The following ARHGAP15 variants were observed in gnomAD, a reference collection of about 807,000 sequenced individuals.
The protein encoded by ARHGAP15 is Rho GTPase activating protein 15.
A neutral mutation model predicts 63.7 loss-of-function variants in ARHGAP15; 51 were observed. The ratio of observed to expected loss-of-function variants is 0.80; its 90% CI spans 0.64 to 1.01. The LOEUF (loss-of-function observed/expected upper bound fraction) is 1.01. Among genes scored for constraint, ARHGAP15 ranks in the 50% least tolerant of loss-of-function variants. ARHGAP15 has a pLI of 0.00. For missense variants in ARHGAP15, 560 were observed against 564.6 expected (o/e 0.99, Z 0.08); for synonymous variants, 191 against 193.8 (o/e 0.99, Z 0.12).
chr2:143,672,527 T>C (rs1682578598), intron 12 of ARHGAP15, among the ~76,000 whole-genome samples: 1 of 152,200 alleles, frequency 6.6e-6, no homozygotes, highest in African/African-American at 2.4e-5. Flanking sequence ...TGATAAATTT[T>C]GATTCCAAAA....
intron 6 of ARHGAP15, among the ~76,000 whole-genome samples, chr2:143,407,860 T>C (rs1688269247): frequency 6.6e-6 from 1 of 150,730 alleles, no homozygotes; most frequent in African/African-American, 2.4e-5. Context: ...ACCATTTGCA[T>C]TTATTCTTGT....
chr2:143,420,967 C>G (rs781241436), intron 6 of ARHGAP15, among the ~76,000 whole-genome samples: 4 of 152,162 alleles, frequency 2.6e-5, no homozygotes, highest in Non-Finnish European at 5.9e-5. Flanking sequence ...CATGGTGCTG[C>G]AGGATGCAAC....
chr2:143,525,528 G>A (rs4309526), intron 10 of ARHGAP15, among the ~76,000 whole-genome samples: 146,324 of 151,972 alleles, frequency 0.96, 70,675 homozygotes, highest in East Asian at 1. Context: ...TACAATGGAG[G>A]TGATCTTAAA....
At chr2:143,245,157 A>T (rs150794350) in intron 5 of ARHGAP15, among the ~76,000 whole-genome samples, 329 of 152,314 alleles carry the variant, frequency 2.2e-3, no homozygotes, top group Middle Eastern at 6.8e-3. Flanking sequence ...GGACAAGACT[A>T]GGGGCAAGAC....
rs531989639 is a variant in ARHGAP15 at position 143,476,350 on chromosome 2, G to T, written c.704-11023G>T. On this transcript the variant is annotated intron_variant, in intron 8 of 13. Transcript: ENST00000295095. ...TGTGAGAATGCTCTTTGTTATGTAAGAGTACTGTTTCAGTAAGAACTGTGT... is the reference window on the plus strand; with the variant it reads ...TGTGAGAATGCTCTTTGTTATGTAATAGTACTGTTTCAGTAAGAACTGTGT... 5.9e-4 allele frequency among the ~76,000 whole-genome samples: 90 copies of T among 152,302 alleles called. 2 individuals are homozygous for T. The highest frequency in any genetic ancestry group is 3.4e-3 in the Middle Eastern group (1 of 294).
intron 8 of ARHGAP15, among the ~76,000 whole-genome samples, chr2:143,450,131 G>A (rs1392104253): frequency 7.0e-6 from 1 of 143,314 alleles, no homozygotes; most frequent in Non-Finnish European, 1.5e-5. Context: ...TAGGTACCTG[G>A]GTTTGTTACT....
chr2:143,470,513 ATAT>A (rs569105160), intron 8 of ARHGAP15, among the ~76,000 whole-genome samples: 17 of 146,118 alleles, frequency 1.2e-4, no homozygotes, highest in African/African-American at 4.1e-4. Flanking sequence ...GGAATTCATA[ATAT>A]TCTTTTGTTT....
chr2:143,455,531 G>GA (rs1388284574), intron 8 of ARHGAP15, among the ~76,000 whole-genome samples: 1 of 152,024 alleles, frequency 6.6e-6, no homozygotes, highest in African/African-American at 2.4e-5. Context: ...ATTCAAGATG[G>GA]AGTTGCTCTG....
chr2:143,731,256 A>G (rs1288434479), intron 13 of ARHGAP15, among the ~76,000 whole-genome samples: 3 of 152,210 alleles, frequency 2.0e-5, no homozygotes, highest in Non-Finnish European at 2.9e-5. Flanking sequence ...TTTGAGCTCC[A>G]ACTGACTAAT....
At chr2:143,247,396 C>G (rs1574148068) in intron 5 of ARHGAP15, 1 of 152,390 alleles carries the variant, frequency 6.6e-6, no homozygotes, top group Non-Finnish European at 1.5e-5. Flanking sequence ...CCACTGGCCT[C>G]TTTCCCCGGT....
chr2:143,556,977 G>T lies in ARHGAP15; in HGVS notation c.1003+492G>T, dbSNP rs187950940. ...ATACCACTACACACCTGTTAGAATG[G>T]CTAAAATACTGACAACACCAAATGC... On this transcript the variant is annotated intron_variant, in intron 11 of 13. Transcript: ENST00000295095. Among the ~76,000 whole-genome samples, 21 of 152,174 alleles carry T rather than the reference G, an allele frequency of 1.4e-4. No individual in the cohort carries two copies. The East Asian group carries it at 3.9e-3, about 28-fold the overall frequency.
chr2:143,700,513 T>G (rs1271587913), intron 12 of ARHGAP15, among the ~76,000 whole-genome samples: 1 of 152,146 alleles, frequency 6.6e-6, no homozygotes, highest in Non-Finnish European at 1.5e-5. Context: ...AGTCAGAGAC[T>G]TCAGTGAAAT....
At chr2:143,222,804 T>G (rs1432188601) in intron 4 of ARHGAP15, among the ~76,000 whole-genome samples, 1 of 152,158 alleles carries the variant, frequency 6.6e-6, no homozygotes, top group Non-Finnish European at 1.5e-5. Flanking sequence ...TAGGGAAGTT[T>G]TATGAAGTGT....
intron 5 of ARHGAP15, among the ~76,000 whole-genome samples, chr2:143,249,658 G>A (rs7567275): frequency 0.17 from 25,855 of 151,844 alleles, 2,362 homozygotes; most frequent in Middle Eastern, 0.25. Flanking sequence ...AATAATTGGC[G>A]GTATGGAGGT....
intron 12 of ARHGAP15, among the ~76,000 whole-genome samples, chr2:143,680,171 TAACA>T (rs768641387): frequency 1.7e-4 from 26 of 152,096 alleles, no homozygotes; most frequent in Non-Finnish European, 3.5e-4. Flanking sequence ...ACTCAGCTTA[TAACA>T]AACAAAAACA....
chr2:143,311,959 C>CT (rs200224585), intron 6 of ARHGAP15, among the ~76,000 whole-genome samples: 38 of 152,026 alleles, frequency 2.5e-4, no homozygotes, highest in African/African-American at 6.8e-4. Context: ...GTGGGCCTTC[C>CT]TTTTTTTTCC....
At chr2:143,465,205 G>T (rs1691141961) in intron 8 of ARHGAP15, among the ~76,000 whole-genome samples, 1 of 152,032 alleles carries the variant, frequency 6.6e-6, no homozygotes, top group Non-Finnish European at 1.5e-5. Context: ...TCAGCCAAAG[G>T]CTCTAAGATG....
intron 10 of ARHGAP15, among the ~76,000 whole-genome samples, chr2:143,519,721 T>C (rs898080278): frequency 6.6e-6 from 1 of 152,162 alleles, no homozygotes; most frequent in African/African-American, 2.4e-5. Context: ...GCCAGAACAA[T>C]TTTTGGTAAG....
chr2:143,416,392 C>A (rs903409987), intron 6 of ARHGAP15, among the ~76,000 whole-genome samples: 1 of 152,020 alleles, frequency 6.6e-6, no homozygotes, highest in Non-Finnish European at 1.5e-5. Flanking sequence ...TCCTGGGGAC[C>A]CTGCAAGCCA....
Sources: gnomAD v4.1 joint callset for allele counts (sites outside exome capture counted in the v4.1 genomes callset) on GRCh38, gnomAD v4.1.1 for gene constraint, MANE v1.5 for transcripts, NCBI Gene and HGNC (gene_info 2026-07-23, HGNC 2026-07-21) for gene names.